The following MYLK variants were observed in gnomAD, a reference collection of about 807,000 sequenced individuals.
MYLK encodes myosin light chain kinase, smooth muscle.
MYLK carries 106 observed loss-of-function variants against 203.4 expected under a neutral mutation model. The observed-to-expected ratio is 0.52, with a 90% CI of 0.45 to 0.61. The LOEUF (loss-of-function observed/expected upper bound fraction) is 0.61. Among genes scored for constraint, MYLK ranks in the 20% least tolerant of loss-of-function variants. The pLI is 0.00. For missense variants in MYLK, 2,072 were observed against 2,442.3 expected, an observed-to-expected ratio of 0.85 and a Z score of 3.20; for synonymous variants, 867 against 959.5, an observed-to-expected ratio of 0.90 and a Z score of 1.78.
chr3:123,766,899 C>T (rs911510058), intron 4 of MYLK, among the ~76,000 whole-genome samples: 5 of 152,172 alleles, frequency 3.3e-5, no homozygotes, highest in African/African-American at 4.8e-5. Context: ...ACCTTGCCTG[C>T]GGTTGTTCTC....
chr3:123,771,012 C>T (rs1170014909), intron 4 of MYLK, among the ~76,000 whole-genome samples: 2 of 152,296 alleles, frequency 1.3e-5, no homozygotes, highest in African/African-American at 4.8e-5. Context: ...CTTACAACCC[C>T]AATCCTAGTT....
chr3:123,833,035 C>G (rs1049387041), intron 2 of MYLK, among the ~76,000 whole-genome samples: 4 of 152,104 alleles, frequency 2.6e-5, no homozygotes, highest in African/African-American at 9.6e-5. Context: ...ACGGGAGAGA[C>G]GGGGCTCTCA....
chr3:123,731,658 A>G (rs947870568), intron 11 of MYLK, among the ~76,000 whole-genome samples: 1 of 152,128 alleles, frequency 6.6e-6, no homozygotes, highest in African/African-American at 2.4e-5. Flanking sequence ...ATTTATATCA[A>G]TATTATTTCA....
At chr3:123,618,916 C>T in intron 32 of MYLK, 146 bp from the exon 33 acceptor site, 1 of 1,101,964 alleles carries the variant, frequency 9.1e-7, no homozygotes, top group Non-Finnish European at 1.3e-6. Context: ...ACGCCTTTCT[C>T]CTGGGGACAG....
chr3:123,750,452 T>C (rs1003830935), intron 5 of MYLK, among the ~76,000 whole-genome samples: 21 of 152,048 alleles, frequency 1.4e-4, no homozygotes, highest in African/African-American at 3.9e-4. Context: ...TCCTGAACAG[T>C]AGGGATTGAA....
intron 4 of MYLK, among the ~76,000 whole-genome samples, chr3:123,786,824 T>C (rs1248923161): frequency 3.9e-5 from 6 of 152,218 alleles, no homozygotes; most frequent in Non-Finnish European, 1.5e-5. Context: ...TAGGTTACTA[T>C]GTATACATGG....
At chr3:123,814,995 G>C (rs1489882634) in intron 3 of MYLK, among the ~76,000 whole-genome samples, 6 of 152,084 alleles carry the variant, frequency 3.9e-5, no homozygotes, top group Non-Finnish European at 7.4e-5. Context: ...GTTTCACCTT[G>C]TTGGTCAGGC....
chr3:123,726,174 T>C (rs1031187360), intron 11 of MYLK, 96 bp from the exon 12 acceptor site: 79 of 1,534,510 alleles, frequency 5.1e-5, no homozygotes, highest in Admixed American at 7.3e-5. Flanking sequence ...CTCACTGTCC[T>C]GGACACCTGG....
At chr3:123,866,260 T>G (rs2148700401) in intron 2 of MYLK, among the ~76,000 whole-genome samples, 1 of 152,312 alleles carries the variant, frequency 6.6e-6, no homozygotes, top group South Asian at 2.1e-4. Context: ...TAGGTGCTAC[T>G]TATGGCAGGA....
At chr3:123,772,375 G>C (rs1224323850) in intron 4 of MYLK, among the ~76,000 whole-genome samples, 2 of 151,980 alleles carry the variant, frequency 1.3e-5, no homozygotes. Context: ...GAAAAGAATA[G>C]ATTATTCAGT....
At position 123,734,911 on chromosome 3, in the gene MYLK, G is replaced by T. The variant is rs2062621021; in HGVS notation, c.773+487C>A. On this transcript the variant is annotated intron_variant, in intron 9 of 33. Coordinates refer to ENST00000360304, the MANE Select transcript of MYLK (RefSeq NM_053025.4). ...CTTCCCTGCCCCTCTATTCTAATCA[G>T]TGCCTTCCTGTTGTCCTTCCTCACA... is the stretch of plus-strand genomic sequence containing the variant. The T allele has an allele frequency of 2.1e-5, 5 of 237,842 alleles. No individual in the cohort carries two copies. The South Asian group carries it at 3.2e-4, about 15-fold the overall frequency. The allele number at this position is 237,842 out of a possible 1,614,324, so 14.7% of individuals were successfully genotyped here.
intron 2 of MYLK, among the ~76,000 whole-genome samples, chr3:123,834,012 G>A (rs2066412877): frequency 6.6e-6 from 1 of 152,030 alleles, no homozygotes; most frequent in African/African-American, 2.4e-5. Flanking sequence ...GAAACATTTG[G>A]CATTTCATTA....
chr3:123,839,543 G>T (rs552096744), intron 2 of MYLK, among the ~76,000 whole-genome samples: 37 of 152,106 alleles, frequency 2.4e-4, no homozygotes, highest in Non-Finnish European at 3.1e-4. Flanking sequence ...CTAACACAGG[G>T]TTCCAAAATA....
chr3:123,787,237 T>C (rs2064566042), intron 4 of MYLK, among the ~76,000 whole-genome samples: 1 of 152,142 alleles, frequency 6.6e-6, no homozygotes, highest in African/African-American at 2.4e-5. Flanking sequence ...AGAATTTAAA[T>C]CAGATCCTGA....
At chr3:123,749,735 G>A (rs893202778) in intron 5 of MYLK, among the ~76,000 whole-genome samples, 1 of 152,200 alleles carries the variant, frequency 6.6e-6, no homozygotes, top group Non-Finnish European at 1.5e-5. Context: ...CTGTGGGGCA[G>A]CCATGAACTC....
intron 3 of MYLK, among the ~76,000 whole-genome samples, chr3:123,815,909 T>C (rs983970226): frequency 6.6e-6 from 1 of 152,230 alleles, no homozygotes; most frequent in African/African-American, 2.4e-5. Flanking sequence ...CCAGGTGCTA[T>C]AATAGTCCCT....
At chr3:123,719,086 G>A (rs950110160) in intron 13 of MYLK, among the ~76,000 whole-genome samples, 2 of 152,210 alleles carry the variant, frequency 1.3e-5, no homozygotes, top group African/African-American at 4.8e-5. Context: ...AGCATGAAGG[G>A]CTGGCTGCAG....
At chr3:123,728,806 C>T (rs2062383341) in intron 11 of MYLK, among the ~76,000 whole-genome samples, 1 of 152,188 alleles carries the variant, frequency 6.6e-6, no homozygotes, top group African/African-American at 2.4e-5. Flanking sequence ...TCACTATTTG[C>T]CCTGTCTGGC....
chr3:123,774,935 C>T (rs916535749), intron 4 of MYLK, among the ~76,000 whole-genome samples: 19 of 152,152 alleles, frequency 1.2e-4, no homozygotes, highest in Admixed American at 6.5e-5. Flanking sequence ...GTGCTAGACA[C>T]TGGGGATGCA....
Sources: allele counts gnomAD v4.1 joint callset (sites outside exome capture counted in the v4.1 genomes callset), GRCh38; gene constraint gnomAD v4.1.1; transcripts MANE v1.5; gene names NCBI Gene and HGNC (gene_info 2026-07-23, HGNC 2026-07-21).